Variants in ARK2C observed in about 807,000 individuals in gnomAD.
ARK2C encodes the protein E3 ubiquitin-protein ligase ARK2C.
At chr18:46,433,544 G>A in the ARK2C span, 7 of 1,537,954 alleles carry the variant, frequency 4.6e-6, no homozygotes, top group Non-Finnish European at 6.2e-6. Flanking sequence ...ACCCGGATGG[G>A]GTCGGGTGAG....
At chr18:46,444,147 G>C in the ARK2C span, among the ~76,000 whole-genome samples, 7 of 151,808 alleles carry the variant, frequency 4.6e-5, no homozygotes. Flanking sequence ...CTTCTATGTT[G>C]AATGGGTCTT....
chr18:46,427,704 A>G, the ARK2C span, among the ~76,000 whole-genome samples: 4 of 152,228 alleles, frequency 2.6e-5, no homozygotes, highest in African/African-American at 9.6e-5. Flanking sequence ...ACAAGCAGGT[A>G]TTTACTGGGT....
the ARK2C span, chr18:46,334,234 C>A: frequency 1.4e-6 from 2 of 1,394,234 alleles, no homozygotes; most frequent in Admixed American, 2.6e-5. This position sits in a 1 kb window ranked among gnomAD's most constrained non-coding sequence, Gnocchi z 4.4. Flanking sequence ...ACAAAGGGCC[C>A]GCGCGCAGCC....
the ARK2C span, among the ~76,000 whole-genome samples, chr18:46,424,044 C>T: frequency 3.5e-4 from 54 of 152,284 alleles, no homozygotes; most frequent in South Asian, 0.011. Flanking sequence ...GTACCTCCTC[C>T]GAAAACACTC....
chr18:46,334,760 G>A, the ARK2C span: 1 of 312,028 alleles, frequency 3.2e-6, no homozygotes, highest in African/African-American at 2.3e-5. The surrounding 1 kb of genome is among the most constrained non-coding windows in gnomAD (Gnocchi z 4.4). Flanking sequence ...TTGGTTTTCT[G>A]TGGTTTGCTT....
At chr18:46,355,520 G>A in the ARK2C span, among the ~76,000 whole-genome samples, 1 of 152,196 alleles carries the variant, frequency 6.6e-6, no homozygotes, top group Non-Finnish European at 1.5e-5. Flanking sequence ...AAAAAACACT[G>A]ACTTTCTCAA....
chr18:46,428,078 G>A, the ARK2C span, among the ~76,000 whole-genome samples: 21,970 of 152,162 alleles, frequency 0.14, 1,980 homozygotes, highest in East Asian at 0.42. Context: ...GGGCTTGGAG[G>A]GGGTCTGTGG....
At chr18:46,385,914 C>T in the ARK2C span, 1 of 152,190 alleles carries the variant, frequency 6.6e-6, no homozygotes, top group Non-Finnish European at 1.5e-5. Flanking sequence ...GTAATGCTGT[C>T]TTCATAAAAT....
chr18:46,456,329 A>C, the ARK2C span, among the ~76,000 whole-genome samples: 1 of 152,148 alleles, frequency 6.6e-6, no homozygotes, highest in Non-Finnish European at 1.5e-5. Context: ...AATGCGTCTA[A>C]GACAAAGTTG....
chr18:46,416,768 A>G, the ARK2C span, among the ~76,000 whole-genome samples: 2 of 152,202 alleles, frequency 1.3e-5, no homozygotes, highest in African/African-American at 2.4e-5. Context: ...GTCATTCTCC[A>G]GCAGGTTAGC....
At chr18:46,456,678 TC>T in the ARK2C span, 2 of 1,402,316 alleles carry the variant, frequency 1.4e-6, no homozygotes, top group Non-Finnish European at 2.0e-6. Flanking sequence ...CTTCACCAGG[TC>T]CCCCCACGGC....
chr18:46,455,009 A>G, the ARK2C span, among the ~76,000 whole-genome samples: 1 of 152,260 alleles, frequency 6.6e-6, no homozygotes. Flanking sequence ...ATGATTCTAC[A>G]TATGGCTTCT....
the ARK2C span, among the ~76,000 whole-genome samples, chr18:46,407,601 C>T: frequency 6.6e-6 from 1 of 152,124 alleles, no homozygotes; most frequent in South Asian, 2.1e-4. Context: ...AGGCTAATCC[C>T]TTCTAATGCA....
the ARK2C span, among the ~76,000 whole-genome samples, chr18:46,354,320 A>T: frequency 6.6e-6 from 1 of 152,182 alleles, no homozygotes; most frequent in African/African-American, 2.4e-5. Context: ...GCAGAATTGG[A>T]CACACCTCCC....
At chr18:46,429,280 G>A in the ARK2C span, among the ~76,000 whole-genome samples, 238 of 152,282 alleles carry the variant, frequency 1.6e-3, no homozygotes, top group Admixed American at 3.9e-3. Context: ...TGACATGCAC[G>A]TAATATACAA....
At chr18:46,406,902 G>T in the ARK2C span, among the ~76,000 whole-genome samples, 1 of 147,784 alleles carries the variant, frequency 6.8e-6, no homozygotes, top group East Asian at 1.9e-4. Flanking sequence ...ACCCTGATGG[G>T]ACACATAAGG....
At chr18:46,429,216 A>G in the ARK2C span, among the ~76,000 whole-genome samples, 7,152 of 152,330 alleles carry the variant, frequency 0.047, 240 homozygotes, top group Non-Finnish European at 0.069. Context: ...TCAGGCAGAA[A>G]TTCTTTGGAT....
chr18:46,448,667 C>A, the ARK2C span, among the ~76,000 whole-genome samples: 2 of 152,200 alleles, frequency 1.3e-5, no homozygotes, highest in Non-Finnish European at 2.9e-5. Flanking sequence ...TTGGGCCTAG[C>A]CTGCCTATCC....
chr18:46,355,589 G>A, the ARK2C span, among the ~76,000 whole-genome samples: 120 of 152,268 alleles, frequency 7.9e-4, no homozygotes, highest in African/African-American at 2.6e-3. Context: ...TCTGAGGACC[G>A]CCTATTTTTC....
Sources: gnomAD v4.1 joint callset for allele counts (sites outside exome capture counted in the v4.1 genomes callset) on GRCh38, gnomAD v4.1.1 for gene constraint, Gnocchi (gnomAD v3.1) non-coding constraint, MANE v1.5 for transcripts, NCBI Gene and HGNC (gene_info 2026-07-23, HGNC 2026-07-21) for gene names.